BAIAP3: variants seen among roughly 807,000 people sequenced by gnomAD.
The protein encoded by BAIAP3 is BAI1 associated protein 3.
Under a neutral mutation model 149.7 loss-of-function variants are expected in BAIAP3, and 180 were observed. The ratio of observed to expected loss-of-function variants is 1.20; its 90% confidence interval spans 1.07 to 1.36. The LOEUF (loss-of-function observed/expected upper bound fraction) is 1.36. Among genes scored for constraint, BAIAP3 ranks in the 40% most tolerant of loss-of-function variants. BAIAP3 has a pLI of 0.00. For missense variants in BAIAP3, 1,767 were observed against 1,563.4 expected (o/e 1.13, Z -2.20); for synonymous variants, 845 against 670.7 (o/e 1.26, Z -4.02).
Position 1,338,656 on chromosome 16 carries a change from C to A in BAIAP3, c.107C>A (p.Pro36Gln). 1 of 1,589,228 alleles carries A rather than the reference C, an allele frequency of 6.3e-7. No individual in the cohort carries two copies. Among genetic ancestry groups the A allele is most frequent in the Non-Finnish European group, 8.5e-7 (1 of 1,169,616 alleles). The change falls in exon 2 of 34, where the codon CCG becomes CAG. Residue 36 changes from proline (P) to glutamine (Q), a missense_variant. Transcript: ENST00000426824. ...GACCCAGGGAGTGCCAGCGCCGACCCGCAGGAGCCTGCCACGGGGGCCTGG... is the reference window on the plus strand; with the variant it reads ...GACCCAGGGAGTGCCAGCGCCGACCAGCAGGAGCCTGCCACGGGGGCCTGG... ...EQDPGSASAD[P>Q]QEPATGAWKP... is the part of the protein sequence containing the mutation.
At position 1,345,251 on chromosome 16, in the gene BAIAP3, A is replaced by G; in HGVS notation, c.1943A>G (p.Asp648Gly). The G allele has an allele frequency of 1.9e-6, 3 of 1,612,460 alleles. No homozygotes were observed. The highest frequency in any genetic ancestry group is 2.5e-6 in the Non-Finnish European group (3 of 1,179,756). The part of the protein sequence containing the change: ...QRFWDSIPGR[D>G]SRSLALAGIH... ...CCCTCACAACCCTCCCACCACAGGG[A>G]CAGCCGCTCTCTGGCCCTGGCTGGC... The change falls in exon 22 of 34, where the codon GAC becomes GGC. Residue 648 changes from aspartate to glycine, a missense_variant and splice_region_variant. Asp to Gly is a moderately conservative substitution (Grantham distance 94). Coordinates refer to ENST00000426824, the MANE Select transcript of BAIAP3 (RefSeq NM_001199097.2).
At chr16:1,343,269 G>C in intron 14 of BAIAP3, 124 bp from the exon 15 acceptor site, 1 of 1,406,344 alleles carries the variant, frequency 7.1e-7, no homozygotes, top group Non-Finnish European at 9.6e-7. Context: ...AAGGGGCAGT[G>C]CTATGAGTAG....
In BAIAP3 at chr16:1,347,828, T is replaced by C. The variant is rs1435241526; in HGVS notation, c.3025+7T>C. 3.1e-6 allele frequency: 5 copies of C among 1,603,494 alleles called. No homozygotes were observed. Among genetic ancestry groups the C allele is most frequent in the Non-Finnish European group, 4.3e-6 (5 of 1,173,840 alleles). On this transcript the variant is annotated splice_region_variant and intron_variant, in intron 31 of 33. Coordinates refer to ENST00000426824, the MANE Select transcript of BAIAP3 (RefSeq NM_001199097.2). ...CTCCCCCTGGACGCCAACGGTGAGT[T>C]GCAGCGGGGACGGGTCGGGTGGTGG...
In BAIAP3 at chr16:1,342,929, G is replaced by A. The variant is rs952247760; in HGVS notation, c.1178G>A (p.Trp393Ter). The change falls in exon 14 of 34, where the codon TGG becomes TAG. Residue 393 changes from tryptophan (W) to a stop codon, truncating the protein, a stop_gained. Transcript: ENST00000426824. LOFTEE classifies it high-confidence loss of function. ...CTCCCCCAGCCCAACTCCAGCAGCTGGCGAGGAGAGCTCAGCACACCAGCC... is the reference window on the plus strand; with the variant it reads ...CTCCCCCAGCCCAACTCCAGCAGCTAGCGAGGAGAGCTCAGCACACCAGCC... The part of the protein sequence containing the change: ...HSAEEPNSSS[W>*]RGELSTPAAT... 5 of 1,612,200 alleles carry A rather than the reference G, an allele frequency of 3.1e-6. No individual in the cohort carries two copies. In the African/African-American group the frequency reaches 6.7e-5, roughly 22 times the overall value.
rs976911718 is a variant in BAIAP3 at position 1,347,324 on chromosome 16, G to C, written c.2778G>C (p.Glu926Asp). The part of the protein sequence containing the change: ...LEALVSFFHA[E>D]GQGLPLESLR... The stretch of plus-strand genomic sequence containing the variant: ...CCCTGGTCAGTTTTTTCCACGCAGA[G>C]GGTCAGGGTTTGCCCCTGGAGAGCC... The change falls in exon 29 of 34, where the codon GAG becomes GAC. Residue 926 changes from glutamate to aspartate, a missense_variant. Glu to Asp is a conservative substitution (Grantham distance 45). Coordinates refer to ENST00000426824, the MANE Select transcript of BAIAP3 (RefSeq NM_001199097.2). 1 of 1,613,500 alleles carries C rather than the reference G, an allele frequency of 6.2e-7. No homozygotes were observed. Among genetic ancestry groups the C allele is most frequent in the East Asian group, 2.2e-5 (1 of 44,882 alleles).
At position 1,342,805 on chromosome 16, in the gene BAIAP3, A is replaced by G; in HGVS notation, c.1152A>G (p.Ser384=). The G allele has an allele frequency of 1.9e-6, 3 of 1,612,690 alleles. No individual in the cohort carries two copies. Among genetic ancestry groups the G allele is most frequent in the South Asian group, 2.2e-5 (2 of 91,078 alleles). The change falls in exon 13 of 34, where the codon TCA becomes TCG. Residue 384 remains serine (S), a synonymous_variant. Coordinates refer to ENST00000426824, the MANE Select transcript of BAIAP3 (RefSeq NM_001199097.2). ...GCCATCTGCTGCGGTTGGAGCACTC[A>G]GCAGAGGAGGTAGTGGGTGCGCCTA... is the stretch of plus-strand genomic sequence containing the variant. ...LLSHLLRLEH[S]AEEPNSSSWR...
rs560689027 is a variant in BAIAP3 at position 1,344,597 on chromosome 16, G to T, written c.1660-4G>T. On this transcript the variant is annotated splice_polypyrimidine_tract_variant and splice_region_variant and intron_variant, in intron 18 of 33. Transcript: ENST00000426824. Reference sequence around the variant, plus strand: ...AGGTGGGTACGAGCTAGGCTTCCTTGCAGCCAGGACCACAGCGCCTGCCTG... The same window carrying T: ...AGGTGGGTACGAGCTAGGCTTCCTTTCAGCCAGGACCACAGCGCCTGCCTG... 6 of 1,612,840 alleles carry T rather than the reference G, an allele frequency of 3.7e-6. No individual in the cohort carries two copies. The African/African-American group carries it at 5.3e-5, about 14-fold the overall frequency.
rs199910590 is a variant in BAIAP3 at position 1,343,404 on chromosome 16, T to A, written c.1277T>A (p.Val426Asp). ...PLQLAVLHWQVSSRHHQTCTL... is the reference protein window; with the variant it reads ...PLQLAVLHWQDSSRHHQTCTL... ...GCCGGGCCCCACAGGCACTGGCAGG[T>A]CAGCAGCCGCCACCATCAAACCTGC... Residue 426 changes from valine to aspartate, a missense_variant, in exon 15 of 34, where the codon GTC becomes GAC. Val to Asp is a radical substitution (Grantham distance 152). Transcript: ENST00000426824. The A allele has an allele frequency of 8.4e-6, 13 of 1,544,894 alleles. No homozygotes were observed. Among genetic ancestry groups the A allele is most frequent in the Non-Finnish European group, 1.1e-5 (13 of 1,149,540 alleles).
rs2033914296 is a variant in BAIAP3, at chr16:1,341,380, G to A, written c.622G>A (p.Gly208Ser). 13 of 1,612,458 alleles carry A rather than the reference G, an allele frequency of 8.1e-6. No individual in the cohort carries two copies. The highest frequency in any genetic ancestry group is 6.6e-5 in the South Asian group (6 of 91,084). Reference sequence around the variant, plus strand: ...CCGTGCACAGAAGGAGCAGCGCTTCGGCTTCCGCAAGGGCAGCAAGCGCGG... The same window carrying A: ...CCGTGCACAGAAGGAGCAGCGCTTCAGCTTCCGCAAGGGCAGCAAGCGCGG... ...EPRAQKEQRFGFRKGSKRGGP... is the reference protein window; with the variant it reads ...EPRAQKEQRFSFRKGSKRGGP... Residue 208 changes from glycine (G) to serine (S), a missense_variant, in exon 8 of 34, where the codon GGC (glycine) becomes AGC (serine). Coordinates refer to ENST00000426824, the MANE Select transcript of BAIAP3 (RefSeq NM_001199097.2).
In BAIAP3 at chr16:1,343,007, T is replaced by C; in HGVS notation, c.1256T>C (p.Leu419Pro). 6.2e-7 allele frequency: 1 copy of C among 1,603,266 alleles called. No homozygotes were observed. The highest frequency in any genetic ancestry group is 8.5e-7 in the Non-Finnish European group (1 of 1,177,090). ...CAGAGCAACCTGTCACCCTTGCAGCTGGCCGTGCTGTGAGTGGGTGGAGCT... is the reference window on the plus strand; with the variant it reads ...CAGAGCAACCTGTCACCCTTGCAGCCGGCCGTGCTGTGAGTGGGTGGAGCT... ...GAQSNLSPLQLAVLHWQVSSR... is the reference protein window; with the variant it reads ...GAQSNLSPLQPAVLHWQVSSR... The change falls in exon 14 of 34, where the codon CTG becomes CCG. Residue 419 changes from leucine (L) to proline (P), a missense_variant. Coordinates refer to ENST00000426824, the MANE Select transcript of BAIAP3 (RefSeq NM_001199097.2).
At chr16:1,334,767 G>A in intron 1 of BAIAP3, 2 of 1,548,922 alleles carry the variant, frequency 1.3e-6, no homozygotes, top group Middle Eastern at 1.7e-4. Flanking sequence ...GTGAGACCAG[G>A]GAGAGATTCC....
intron 1 of BAIAP3, among the ~76,000 whole-genome samples, chr16:1,337,888 C>G (rs1281041508): frequency 6.6e-6 from 1 of 152,220 alleles, no homozygotes; most frequent in Non-Finnish European, 1.5e-5. Context: ...CTTCTACTGT[C>G]CACCTCAGGT....
In BAIAP3 at chr16:1,342,538, G is replaced by A. The variant is rs1596573873; in HGVS notation, c.969G>A (p.Val323=). The change falls in exon 12 of 34, where the codon GTG becomes GTA. Residue 323 remains valine (V), a synonymous_variant. Transcript: ENST00000426824. Reference sequence around the variant, plus strand: ...CATGCTACCCCCAGGAGGTGCCTGTGGCTGGCGTCGACCGCTGGTTCAAGC... The same window carrying A: ...CATGCTACCCCCAGGAGGTGCCTGTAGCTGGCGTCGACCGCTGGTTCAAGC... ...CLNIPVREVP[V]AGVDRWFKLE... 1 of 1,552,360 alleles carries A rather than the reference G, an allele frequency of 6.4e-7. No homozygotes were observed. Among genetic ancestry groups the A allele is most frequent in the Non-Finnish European group, 8.7e-7 (1 of 1,148,288 alleles).
intron 28 of BAIAP3, 52 bp downstream of exon 28, chr16:1,347,007 C>A: frequency 6.7e-7 from 1 of 1,495,568 alleles, no homozygotes; most frequent in Non-Finnish European, 9.1e-7. Context: ...CAGGGCTGCT[C>A]TGATCCCTCC....
At chr16:1,335,562 C>T (rs1567155113) in intron 1 of BAIAP3, among the ~76,000 whole-genome samples, 1 of 152,336 alleles carries the variant, frequency 6.6e-6, no homozygotes, top group South Asian at 2.1e-4. Context: ...ATGCATATGC[C>T]CACCATTCAC....
At chr16:1,343,946 G>C in intron 15 of BAIAP3, 76 bp from the exon 16 acceptor site, 1 of 1,585,720 alleles carries the variant, frequency 6.3e-7, no homozygotes, top group Non-Finnish European at 8.5e-7. Context: ...GGTGTTGCGG[G>C]CCAAGGCAGG....
chr16:1,340,190 CACACGCACACAGGCTGCAGGTGCACACAG>C (rs2033810309), intron 5 of BAIAP3, among the ~76,000 whole-genome samples: 1 of 39,406 alleles, frequency 2.5e-5, no homozygotes, highest in Non-Finnish European at 4.3e-5. Context: ...TGCACACAGA[CACACGCACACAGGCTGCAGGTGCACACAG>C]ACACACACAC....
rs753320417 is a variant in BAIAP3, at chr16:1,341,842, C to T, written c.752C>T (p.Thr251Met). ...HFLFEIEDVS[T>M]DQLHLDIWDH... ...TGTAGCGAGATTGAGGATGTGAGCACGGACCAGCTGCACCTGGACATCTGG... is the reference window on the plus strand; with the variant it reads ...TGTAGCGAGATTGAGGATGTGAGCATGGACCAGCTGCACCTGGACATCTGG... The change falls in exon 9 of 34, where the codon ACG (threonine) becomes ATG (methionine). Residue 251 changes from threonine to methionine, a missense_variant. Transcript: ENST00000426824. 22 of 1,612,292 alleles carry T rather than the reference C, an allele frequency of 1.4e-5. No homozygotes were observed. In the East Asian group the frequency reaches 1.6e-4, roughly 11 times the overall value.
Position 1,348,093 on chromosome 16 carries a change from C to T in BAIAP3, c.3150-3C>T, listed in dbSNP as rs768985853. 1 of 1,602,132 alleles carries T rather than the reference C, an allele frequency of 6.2e-7. No homozygotes were observed. Among genetic ancestry groups the T allele is most frequent in the Non-Finnish European group, 8.5e-7 (1 of 1,179,214 alleles). ...GAGACTCCCGACTGGCCTCTGTCCG[C>T]AGTTCCGTGCCTGCCGAGGCGTGCC... On this transcript the variant is annotated splice_polypyrimidine_tract_variant and splice_region_variant and intron_variant, in intron 32 of 33. Transcript: ENST00000426824.
Sources: gnomAD v4.1 joint callset for allele counts (sites outside exome capture counted in the v4.1 genomes callset) on GRCh38, gnomAD v4.1.1 for gene constraint, MANE v1.5 for transcripts, NCBI Gene and HGNC (gene_info 2026-07-23, HGNC 2026-07-21) for gene names.